IFIT1: variants seen among roughly 807,000 people sequenced by gnomAD.
IFIT1 encodes antiviral innate immune response effector IFIT1.
A neutral mutation model predicts 2.5 loss-of-function variants in IFIT1; 1 was observed. That is an observed-to-expected ratio of 0.40 (90% CI 0.14 to 1.92). The LOEUF is 1.92. IFIT1 is among the 40% of genes most tolerant of loss of function. The probability of loss-of-function intolerance (pLI) is 0.31; values close to 1 mark genes in which losing one functional copy is unlikely to be tolerated. For missense variants in IFIT1, 508 were observed against 557.8 expected (o/e 0.91, Z 0.90); for synonymous variants, 191 against 201.7 (o/e 0.95, Z 0.45).
Position 89,403,527 on chromosome 10 carries a change from AG to A in IFIT1, c.1253del (p.Ser418IlefsTer5), listed in dbSNP as rs755297444. 2 of 1,613,934 alleles carry A rather than the reference AG, an allele frequency of 1.2e-6. No individual in the cohort carries two copies. The highest frequency in any genetic ancestry group is 2.2e-5 in the South Asian group (2 of 91,010). On this transcript the variant is annotated frameshift_variant, in exon 2 of 2. Transcript: ENST00000371804. LOFTEE classifies it low-confidence loss of function (END_TRUNC). ...ACAGGCATCATTAACAAGGGATAAA[AG>A]TATCAATTCTTTGAAGAAATTGGTT... The part of the protein sequence containing the change: ...IEQASLTRDK[S>X]INSLKKLVLR...
chr10:89,397,776 CA>C (rs943541750), intron 1 of IFIT1, among the ~76,000 whole-genome samples: 6 of 152,128 alleles, frequency 3.9e-5, no homozygotes, highest in African/African-American at 1.4e-4. Flanking sequence ...TACCAATTTA[CA>C]AAAACACTTT....
rs1342859272 is a variant in IFIT1, at chr10:89,404,299, T to C, written c.*587T>C. ...CCCCTCCCCTCTTGCGGTTTCCACA[T>C]GACAACTGATCAGCCTTCCCTCCTG... On this transcript the variant is annotated 3_prime_UTR_variant, in exon 2 of 2. Coordinates refer to ENST00000371804, the MANE Select transcript of IFIT1 (RefSeq NM_001548.5). The C allele has an allele frequency of 6.6e-6, 1 of 152,632 alleles. No homozygotes were observed. Among genetic ancestry groups the C allele is most frequent in the Non-Finnish European group, 1.5e-5 (1 of 68,330 alleles). The allele number at this position is 152,632 out of a possible 1,614,324, so 9.5% of individuals were successfully genotyped here.
Position 89,404,047 on chromosome 10 carries a change from C to T in IFIT1, c.*335C>T, listed in dbSNP as rs1355552660. ...ATAAAATCCTTAGCTCCTCCACCAA[C>T]TGAACAGACCCTCTTGGCCAAGGAG... On this transcript the variant is annotated 3_prime_UTR_variant, in exon 2 of 2. Coordinates refer to ENST00000371804, the MANE Select transcript of IFIT1 (RefSeq NM_001548.5). 1.2e-5 allele frequency: 2 copies of T among 173,430 alleles called. No homozygotes were observed. The highest frequency in any genetic ancestry group is 1.2e-5 in the Non-Finnish European group (1 of 84,748). 10.7% of individuals were successfully genotyped at this position (173,430 alleles called of 1,614,324 possible).
At position 89,403,803 on chromosome 10, in the gene IFIT1, A is replaced by G; in HGVS notation, c.*91A>G. 2.8e-6 allele frequency: 2 copies of G among 709,122 alleles called. No homozygotes were observed. The highest frequency in any genetic ancestry group is 4.7e-6 in the Non-Finnish European group (2 of 428,128). 43.9% of individuals were successfully genotyped at this position (709,122 alleles called of 1,614,324 possible). ...TCTGCTTACTGTTTTCAGAAACATT[A>G]TAATTCACTGTAATGATGTAATTCT... On this transcript the variant is annotated 3_prime_UTR_variant, in exon 2 of 2. Coordinates refer to ENST00000371804, the MANE Select transcript of IFIT1 (RefSeq NM_001548.5).
At position 89,403,868 on chromosome 10, in the gene IFIT1, A is replaced by G. The variant is rs1589641667; in HGVS notation, c.*156A>G. The G allele has an allele frequency of 1.0e-5, 6 of 574,612 alleles. No individual in the cohort carries two copies. Among genetic ancestry groups the G allele is most frequent in the African/African-American group, 1.9e-5 (1 of 53,138 alleles). 35.6% of individuals were successfully genotyped at this position (574,612 alleles called of 1,614,324 possible). A position where few individuals can be genotyped will look rare whatever the true frequency, so the allele number is the denominator to read the frequency against. ...GACAAAATATTAGTTGTGTTCAACA[A>G]TTAGTGAAACAGAATGTGTGTATGC... is the stretch of plus-strand genomic sequence containing the variant. On this transcript the variant is annotated 3_prime_UTR_variant, in exon 2 of 2. Coordinates refer to ENST00000371804, the MANE Select transcript of IFIT1 (RefSeq NM_001548.5).
intron 1 of IFIT1, chr10:89,393,284 A>T: frequency 7.8e-7 from 1 of 1,289,674 alleles, no homozygotes; most frequent in Non-Finnish European, 1.0e-6. Context: ...AGGTTTTCGC[A>T]ATCAGGCTGA....
rs774785394 is a variant in IFIT1 at position 89,403,606 on chromosome 10, G to T, written c.1331G>T (p.Gly444Val). Residue 444 changes from glycine (G) to valine (V), a missense_variant, in exon 2 of 2, where the codon GGG becomes GTG. Coordinates refer to ENST00000371804, the MANE Select transcript of IFIT1 (RefSeq NM_001548.5). ...GATCTGGAAAGCTTGAGCCTCCTTG[G>T]GTTCGTCTACAAATTGGAAGGAAAT... ...ALDLESLSLL[G>V]FVYKLEGNMN... 4.3e-6 allele frequency: 7 copies of T among 1,614,030 alleles called. No homozygotes were observed. Among genetic ancestry groups the T allele is most frequent in the Non-Finnish European group, 5.9e-6 (7 of 1,179,966 alleles).
chr10:89,401,584 T>G (rs1844424195), intron 1 of IFIT1, among the ~76,000 whole-genome samples: 2 of 152,218 alleles, frequency 1.3e-5, no homozygotes, highest in Non-Finnish European at 2.9e-5. Context: ...ATCAAAGTGG[T>G]GGTCTCATAG....
At chr10:89,394,510 A>AT (rs1844304578) in intron 1 of IFIT1, among the ~76,000 whole-genome samples, 1 of 150,110 alleles carries the variant, frequency 6.7e-6, no homozygotes, top group Non-Finnish European at 1.5e-5. Context: ...TGATTATTTC[A>AT]GATGGCAAAC....
In IFIT1 at chr10:89,394,600, A is replaced by ATTT. The variant is rs1274310051; in HGVS notation, c.5+1884_5+1885insTTT. Among the ~76,000 whole-genome samples, 172 of 28,080 alleles carry ATTT rather than the reference A, an allele frequency of 6.1e-3. 3 individuals are homozygous for ATTT. The highest frequency in any genetic ancestry group is 0.044 in the African/African-American group (146 of 3,282). 18.4% of individuals were successfully genotyped at this position (28,080 alleles called of 152,430 possible). On this transcript the variant is annotated intron_variant, in intron 1 of 1. Transcript: ENST00000371804. Reference sequence around the variant, plus strand: ...AAAATATATATATATATATATATATATATATATATATATATATATATATAT... The same window carrying ATTT: ...AAAATATATATATATATATATATATATTTTATATATATATATATATATATATAT...
At chr10:89,395,676 A>G (rs76213897) in intron 1 of IFIT1, among the ~76,000 whole-genome samples, 6,192 of 152,300 alleles carry the variant, frequency 0.041, 415 homozygotes, top group African/African-American at 0.14. Flanking sequence ...TCAGACGCTT[A>G]GGCATTAGGC....
chr10:89,394,577 AATATATATATATATATATATATAT>A (rs200060906), intron 1 of IFIT1, among the ~76,000 whole-genome samples: 18,307 of 108,690 alleles, frequency 0.17, 2,031 homozygotes, highest in Non-Finnish European at 0.22. Flanking sequence ...ACTACAGGAA[AATATATATATATATATATATATAT>A]ATATATATAT....
In IFIT1 at chr10:89,401,009, A is replaced by G. The variant is rs1056599571; in HGVS notation, c.6-1272A>G. On this transcript the variant is annotated intron_variant, in intron 1 of 1. Coordinates refer to ENST00000371804, the MANE Select transcript of IFIT1 (RefSeq NM_001548.5). ...TTTGTCAAATGCTTTTCCTGCATCAATTGAGATGGTCATGTATTTATTCCC... is the reference window on the plus strand; with the variant it reads ...TTTGTCAAATGCTTTTCCTGCATCAGTTGAGATGGTCATGTATTTATTCCC... Among the ~76,000 whole-genome samples, 3 of 151,876 alleles carry G rather than the reference A, an allele frequency of 2.0e-5. No individual in the cohort carries two copies. The East Asian group carries it at 5.8e-4, about 29-fold the overall frequency.
rs946240817 is a variant in IFIT1 at position 89,400,957 on chromosome 10, T to G, written c.6-1324T>G. Among the ~76,000 whole-genome samples, 7 of 102,938 alleles carry G rather than the reference T, an allele frequency of 6.8e-5. No individual in the cohort carries two copies. In the East Asian group the frequency reaches 1.1e-3, roughly 16 times the overall value. 67.5% of individuals were successfully genotyped at this position (102,938 alleles called of 152,430 possible). Reference sequence around the variant, plus strand: ...CCCTGTATTAGTAGTCTATAGTCTGTTTTTTTTTTCATAAAGGGTGTTGAA... The same window carrying G: ...CCCTGTATTAGTAGTCTATAGTCTGGTTTTTTTTTCATAAAGGGTGTTGAA... On this transcript the variant is annotated intron_variant, in intron 1 of 1. Transcript: ENST00000371804.
intron 1 of IFIT1, among the ~76,000 whole-genome samples, chr10:89,395,559 A>T (rs1844330065): frequency 6.6e-6 from 1 of 152,144 alleles, no homozygotes; most frequent in Non-Finnish European, 1.5e-5. Context: ...TTTCCGAGAG[A>T]GTGGCTGTCT....
rs187902136 is a variant in IFIT1, at chr10:89,400,094, G to A, written c.6-2187G>A. Among the ~76,000 whole-genome samples, 189 of 152,310 alleles carry A rather than the reference G, an allele frequency of 1.2e-3. 3 individuals carry two copies. Among genetic ancestry groups the A allele is most frequent in the African/African-American group, 3.7e-3 (154 of 41,566 alleles). ...CTAACTAATACAGTCAGATAAGTAA[G>A]GGTTTTTTTCAGGGCTTTCTATTCT... On this transcript the variant is annotated intron_variant, in intron 1 of 1. Coordinates refer to ENST00000371804, the MANE Select transcript of IFIT1 (RefSeq NM_001548.5).
At chr10:89,398,505 T>C (rs1844377258) in intron 1 of IFIT1, among the ~76,000 whole-genome samples, 1 of 152,186 alleles carries the variant, frequency 6.6e-6, no homozygotes, top group African/African-American at 2.4e-5. Context: ...TGAGTACTCA[T>C]TTCATCCATC....
chr10:89,398,987 TC>T (rs1291964771), intron 1 of IFIT1, among the ~76,000 whole-genome samples: 2 of 152,178 alleles, frequency 1.3e-5, no homozygotes, highest in Non-Finnish European at 2.9e-5. Context: ...CCTTTTACAT[TC>T]CTACTAGCAG....
rs780038206 is a variant in IFIT1, at chr10:89,402,640, A to G, written c.365A>G (p.Glu122Gly). The G allele has an allele frequency of 1.8e-5, 29 of 1,614,124 alleles. No individual in the cohort carries two copies. Among genetic ancestry groups the G allele is most frequent in the Non-Finnish European group, 2.5e-5 (29 of 1,180,048 alleles). The change falls in exon 2 of 2, where the codon GAG (glutamate) becomes GGG (glycine). Residue 122 changes from glutamate to glycine, a missense_variant. By Grantham distance (98) the Glu-to-Gly change is moderately conservative. Coordinates refer to ENST00000371804, the MANE Select transcript of IFIT1 (RefSeq NM_001548.5). Reference sequence around the variant, plus strand: ...GCCCAGACTTACCTGGACAAGGTGGAGAACATTTGCAAGAAGCTTTCAAAT... The same window carrying G: ...GCCCAGACTTACCTGGACAAGGTGGGGAACATTTGCAAGAAGCTTTCAAAT... Reference protein sequence around the residue: ...AEAQTYLDKVENICKKLSNPF... With the variant: ...AEAQTYLDKVGNICKKLSNPF...
Sources: gnomAD v4.1 joint callset for allele counts (sites outside exome capture counted in the v4.1 genomes callset) on GRCh38, gnomAD v4.1.1 for gene constraint, MANE v1.5 for transcripts, NCBI Gene and HGNC (gene_info 2026-07-23, HGNC 2026-07-21) for gene names.